Variants in RUBCN observed in about 807,000 individuals in gnomAD.
The protein encoded by RUBCN is run domain Beclin-1-interacting and cysteine-rich domain-containing protein.
Under a neutral mutation model 113.2 loss-of-function variants are expected in RUBCN, and 74 were observed. That is an observed-to-expected ratio of 0.65 (90% CI 0.54 to 0.79). RUBCN has a LOEUF of 0.79. RUBCN is among the 30% of genes least tolerant of loss of function. The probability of loss-of-function intolerance (pLI) is 0.00; values close to 1 mark genes in which losing one functional copy is unlikely to be tolerated. For missense variants in RUBCN, 1,109 were observed against 1,251.7 expected, an observed-to-expected ratio of 0.89 and a Z score of 1.72; for synonymous variants, 480 against 490.0, an observed-to-expected ratio of 0.98 and a Z score of 0.27.
intron 1 of RUBCN, among the ~76,000 whole-genome samples, chr3:197,718,885 G>A (rs114273989): frequency 0.01 from 1,575 of 152,272 alleles, 19 homozygotes; most frequent in African/African-American, 0.036. Context: ...CTACAGCATC[G>A]TGAAGGACAG....
intron 2 of RUBCN, among the ~76,000 whole-genome samples, chr3:197,715,467 G>A (rs1725423899): frequency 6.6e-6 from 1 of 152,060 alleles, no homozygotes; most frequent in African/African-American, 2.4e-5. Flanking sequence ...GATTGTCCTA[G>A]GATGCTAGGA....
rs1721204440 is a variant in RUBCN, at chr3:197,681,273, A to G, written c.2286T>C (p.Val762=). The change falls in exon 16 of 20, where the codon GTT becomes GTC. Residue 762 remains valine, a synonymous_variant. Transcript: ENST00000296343. The surrounding 1 kb of genome is among the most constrained non-coding windows in gnomAD (Gnocchi z 5.5). The part of the protein sequence containing the change: ...ENAQMAIPSR[V]LRKWDFSKYY... Reference sequence around the variant, plus strand: ...ACTTGCTGAAGTCCCACTTGCGCAGAACCCGGCTGGGGATGGCCATCTGGG... The same window carrying G: ...ACTTGCTGAAGTCCCACTTGCGCAGGACCCGGCTGGGGATGGCCATCTGGG... 5.0e-6 allele frequency: 8 copies of G among 1,614,070 alleles called. No individual in the cohort carries two copies. The highest frequency in any genetic ancestry group is 6.8e-6 in the Non-Finnish European group (8 of 1,180,038).
Position 197,677,467 on chromosome 3 carries a change from C to A in RUBCN, c.2492+13G>T, listed in dbSNP as rs752050064. 5.0e-6 allele frequency: 8 copies of A among 1,612,596 alleles called. No homozygotes were observed. Among genetic ancestry groups the A allele is most frequent in the Non-Finnish European group, 6.8e-6 (8 of 1,178,530 alleles). ...CAACGTGGCCAGAGGGCTCTAGCTC[C>A]AAAAGGACTTACTCCTTGGCCAGTC... On this transcript the variant is annotated intron_variant, in intron 17 of 19. Transcript: ENST00000296343.
chr3:197,728,920 G>A (rs551225599), intron 1 of RUBCN, among the ~76,000 whole-genome samples: 1 of 152,302 alleles, frequency 6.6e-6, no homozygotes, highest in African/African-American at 2.4e-5. Flanking sequence ...AGATGTGAGA[G>A]TGGGTGAGTG....
intron 2 of RUBCN, among the ~76,000 whole-genome samples, chr3:197,716,067 C>A (rs555944344): frequency 1.3e-5 from 2 of 152,322 alleles, no homozygotes; most frequent in East Asian, 3.9e-4. Flanking sequence ...GGCTTCTAGA[C>A]AAAAGGATTT....
intron 1 of RUBCN, among the ~76,000 whole-genome samples, chr3:197,720,571 C>A (rs1004825086): frequency 4.6e-5 from 7 of 152,086 alleles, no homozygotes; most frequent in Non-Finnish European, 7.4e-5. Context: ...CCATGTCTGG[C>A]TAATTTTTGT....
chr3:197,725,371 T>G (rs1196928449), intron 1 of RUBCN, among the ~76,000 whole-genome samples: 1 of 151,942 alleles, frequency 6.6e-6, no homozygotes, highest in Non-Finnish European at 1.5e-5. Flanking sequence ...TTGAATGTGC[T>G]CCTTTTTACA....
chr3:197,710,031 G>C (rs962072743), intron 2 of RUBCN, among the ~76,000 whole-genome samples: 2 of 151,816 alleles, frequency 1.3e-5, no homozygotes, highest in African/African-American at 4.8e-5. Flanking sequence ...TTAGCCAGGC[G>C]TGGTGGCATG....
At chr3:197,676,861 C>T in intron 18 of RUBCN, 24 bp downstream of exon 18, 3 of 1,614,142 alleles carry the variant, frequency 1.9e-6, no homozygotes, top group South Asian at 2.2e-5. Flanking sequence ...GGCTCAGCTG[C>T]ATGCTACAGT....
At position 197,695,972 on chromosome 3, in the gene RUBCN, C is replaced by T. The variant is rs1262994691; in HGVS notation, c.1367G>A (p.Arg456Gln). ...CATGCCTTCCCCTGAGCACAGGTAC[C>T]GACCACCTTCTGTGGGAAATGGAAT... is the stretch of plus-strand genomic sequence containing the variant. ...SSLYMEYEGGRYLCSGEGMFR... is the reference protein window; with the variant it reads ...SSLYMEYEGGQYLCSGEGMFR... The change falls in exon 9 of 20, where the codon CGG (arginine) becomes CAG (glutamine). Residue 456 changes from arginine (R) to glutamine (Q), a missense_variant. By Grantham distance (43) the Arg-to-Gln change is conservative (BLOSUM62 1). Transcript: ENST00000296343. The T allele has an allele frequency of 8.1e-6, 13 of 1,613,978 alleles. No individual in the cohort carries two copies. The highest frequency in any genetic ancestry group is 1.6e-4 in the Middle Eastern group (1 of 6,084).
chr3:197,743,023 G>A (rs1728590197), intron 1 of RUBCN, among the ~76,000 whole-genome samples: 1 of 152,144 alleles, frequency 6.6e-6, no homozygotes, highest in Non-Finnish European at 1.5e-5. Context: ...CCTGAGTCCA[G>A]GAAGAATTCC....
At chr3:197,676,183 T>C in intron 18 of RUBCN, 1 of 990,370 alleles carries the variant, frequency 1.0e-6, no homozygotes, top group African/African-American at 1.7e-5. Flanking sequence ...TAAATTATTC[T>C]CTTCATCTTA....
chr3:197,714,452 C>G, intron 2 of RUBCN, among the ~76,000 whole-genome samples: 1 of 152,150 alleles, frequency 6.6e-6, no homozygotes, highest in East Asian at 1.9e-4. Context: ...TCCGGAGTAG[C>G]TGAGTCTACA....
At chr3:197,749,370 A>T (rs1728902718) in exon 1 of RUBCN, 1 of 1,174,024 alleles carries the variant, frequency 8.5e-7, no homozygotes, top group African/African-American at 1.6e-5. Context: ...AAACGTTAGC[A>T]TTTACTTTGG....
chr3:197,726,115 G>A (rs73894331), intron 1 of RUBCN, among the ~76,000 whole-genome samples: 291 of 152,244 alleles, frequency 1.9e-3, no homozygotes, highest in African/African-American at 6.5e-3. Flanking sequence ...CTCCAAAAGC[G>A]TATGATGTCG....
At chr3:197,730,793 G>T (rs1727339515) in intron 1 of RUBCN, among the ~76,000 whole-genome samples, 2 of 147,970 alleles carry the variant, frequency 1.4e-5, no homozygotes, top group South Asian at 4.4e-4. Context: ...GAGCCAGCAA[G>T]TCTAGCAGAC....
chr3:197,726,436 C>T (rs1042059888), intron 1 of RUBCN, among the ~76,000 whole-genome samples: 9 of 151,694 alleles, frequency 5.9e-5, no homozygotes, highest in East Asian at 2.0e-4. Context: ...TTAGTAGAGA[C>T]GGGGTTTCAC....
At chr3:197,726,940 A>ATTTTTT (rs1169226625) in intron 1 of RUBCN, among the ~76,000 whole-genome samples, 1 of 131,784 alleles carries the variant, frequency 7.6e-6, no homozygotes, top group African/African-American at 2.9e-5. Context: ...TGCACATTCT[A>ATTTTTT]TTTTTTTTTT....
Position 197,677,502 on chromosome 3 carries a change from T to G in RUBCN, c.2470A>C (p.Lys824Gln), listed in dbSNP as rs749063155. Residue 824 changes from lysine to glutamine, a missense_variant, in exon 17 of 20, where the codon AAG becomes CAG. Physicochemically the swap from Lys to Gln is moderately conservative, Grantham distance 53. Around this residue, in one of 3 missense-constraint regions of RUBCN, gnomAD observed 306 missense variants for 348.9 expected, o/e 0.88. Transcript: ENST00000296343. ...VQLCHMKNMF[K>Q]TCRLAKELLD... Reference sequence around the variant, plus strand: ...TACTCCTTGGCCAGTCGGCAAGTCTTGAACATGTTCTTCATGTGACACAGC... The same window carrying G: ...TACTCCTTGGCCAGTCGGCAAGTCTGGAACATGTTCTTCATGTGACACAGC... 6.2e-7 allele frequency: 1 copy of G among 1,614,198 alleles called. No individual in the cohort carries two copies.
Sources: allele counts gnomAD v4.1 joint callset (sites outside exome capture counted in the v4.1 genomes callset), GRCh38; gene constraint gnomAD v4.1.1; regional missense constraint gnomAD v4.1.1; non-coding constraint Gnocchi (gnomAD v3.1); transcripts MANE v1.5; gene names NCBI Gene and HGNC (gene_info 2026-07-23, HGNC 2026-07-21).